The following ZNF423 variants were observed in gnomAD, a reference collection of about 807,000 sequenced individuals.
ZNF423 encodes Ebf-associated zinc finger protein.
In ZNF423, 12 loss-of-function variants were observed where a neutral mutation model predicts 95.8. That is an observed-to-expected ratio of 0.13 (90% CI 0.08 to 0.20). The LOEUF is 0.20. Ranked by LOEUF, ZNF423 falls within the 10% of genes least tolerant of loss-of-function variation. The pLI, the probability that ZNF423 is intolerant of heterozygous loss-of-function variation, is 1.00. For missense variants in ZNF423, 1,316 were observed against 1,737.1 expected, an observed-to-expected ratio of 0.76 and a Z score of 4.31; for synonymous variants, 749 against 711.9, an observed-to-expected ratio of 1.05 and a Z score of -0.83.
intron 5 of ZNF423, among the ~76,000 whole-genome samples, chr16:49,622,035 G>T (rs183501700): frequency 6.6e-6 from 1 of 152,324 alleles, no homozygotes; most frequent in Non-Finnish European, 1.5e-5. Context: ...TGGCTCCCTA[G>T]CGCTTAAGTC....
intron 2 of ZNF423, among the ~76,000 whole-genome samples, chr16:49,770,380 T>C (rs2034010901): frequency 6.6e-6 from 1 of 152,146 alleles, no homozygotes. Context: ...GCTGAGAAAC[T>C]GTCCATCCAT....
chr16:49,524,175 C>T (rs984141100), intron 6 of ZNF423, among the ~76,000 whole-genome samples: 1 of 152,150 alleles, frequency 6.6e-6, no homozygotes, highest in Non-Finnish European at 1.5e-5. Flanking sequence ...AGGACAGGTG[C>T]TATTATCCCC....
intron 3 of ZNF423, among the ~76,000 whole-genome samples, chr16:49,720,080 C>T (rs1219966485): frequency 6.6e-6 from 1 of 152,206 alleles, no homozygotes; most frequent in Non-Finnish European, 1.5e-5. Flanking sequence ...ATTACCCCAC[C>T]TTCCACCTCC....
chr16:49,488,629 G>C lies in ZNF423; in HGVS notation c.*2646C>G, dbSNP rs1470432694. On this transcript the variant is annotated 3_prime_UTR_variant, in exon 8 of 8. Coordinates refer to ENST00000563137, the MANE Select transcript of ZNF423 (RefSeq NM_001379286.1). ...TACAGGTCTCTGTGTGCAGCCCTTT[G>C]TCAGGCATCACTTCATACAAGCCTC... 1 of 152,186 alleles carries C rather than the reference G, an allele frequency of 6.6e-6. No individual in the cohort carries two copies. The highest frequency in any genetic ancestry group is 2.4e-5 in the African/African-American group (1 of 41,420). The allele number at this position is 152,186 out of a possible 1,614,324, so 9.4% of individuals were successfully genotyped here. A position where few individuals can be genotyped will look rare whatever the true frequency, so the allele number is the denominator to read the frequency against.
chr16:49,678,140 G>T (rs564793947), intron 3 of ZNF423, among the ~76,000 whole-genome samples: 1 of 151,890 alleles, frequency 6.6e-6, no homozygotes, highest in Non-Finnish European at 1.5e-5. Context: ...CCAAGATCGC[G>T]CCACTGCACT....
chr16:49,548,734 G>A lies in ZNF423; in HGVS notation c.3602-23240C>T, dbSNP rs570610104. Among the ~76,000 whole-genome samples, 26 of 152,262 alleles carry A rather than the reference G, an allele frequency of 1.7e-4. 1 individual carries two copies. The South Asian group carries it at 2.9e-3, about 17-fold the overall frequency. ...CATCGAACCAATGACCTTGCTCCTC[G>A]CTGCCAGGCAAGCCGTGCCTGAACC... On this transcript the variant is annotated intron_variant, in intron 5 of 7. Transcript: ENST00000563137.
chr16:49,700,765 T>C (rs941834589), intron 3 of ZNF423, among the ~76,000 whole-genome samples: 2 of 152,160 alleles, frequency 1.3e-5, no homozygotes, highest in Non-Finnish European at 2.9e-5. Flanking sequence ...ACCCCCCTCC[T>C]TGGGCCCCCT....
rs1402923513 is a variant in ZNF423 at position 49,505,456 on chromosome 16, T to A, written c.3850-14152A>T. Among the ~76,000 whole-genome samples the A allele has an allele frequency of 3.3e-5, 5 of 152,206 alleles. No individual in the cohort carries two copies. The East Asian group carries it at 9.6e-4, about 29-fold the overall frequency. On this transcript the variant is annotated intron_variant, in intron 7 of 7. Transcript: ENST00000563137. Reference sequence around the variant, plus strand: ...ACAGACTAAGAACTGTTCTGGCGGATATTCTGAGGGGGCCTCCTCAGAAAA... The same window carrying A: ...ACAGACTAAGAACTGTTCTGGCGGAAATTCTGAGGGGGCCTCCTCAGAAAA...
intron 3 of ZNF423, among the ~76,000 whole-genome samples, chr16:49,642,853 C>T (rs944904399): frequency 4.7e-5 from 7 of 147,580 alleles, no homozygotes; most frequent in Non-Finnish European, 8.9e-5. Flanking sequence ...AGGAGTCTCG[C>T]CCTGTGGCCC....
chr16:49,766,501 C>A (rs537365052), intron 2 of ZNF423, among the ~76,000 whole-genome samples: 1 of 152,236 alleles, frequency 6.6e-6, no homozygotes, highest in Non-Finnish European at 1.5e-5. Flanking sequence ...TCCTCACCCA[C>A]GCTTTTTCCA....
At chr16:49,586,273 T>C (rs1214387342) in intron 5 of ZNF423, among the ~76,000 whole-genome samples, 1 of 152,184 alleles carries the variant, frequency 6.6e-6, no homozygotes, top group Non-Finnish European at 1.5e-5. Context: ...ACCTTTTTTT[T>C]TTTCCTCCTG....
chr16:49,769,974 C>T (rs886778101), intron 2 of ZNF423, among the ~76,000 whole-genome samples: 1 of 152,114 alleles, frequency 6.6e-6, no homozygotes, highest in Non-Finnish European at 1.5e-5. Context: ...CTCTCCTCCT[C>T]ACCTCCCACC....
intron 3 of ZNF423, among the ~76,000 whole-genome samples, chr16:49,660,052 C>T (rs1224210932): frequency 6.6e-6 from 1 of 152,176 alleles, no homozygotes; most frequent in African/African-American, 2.4e-5. Context: ...TTCCCTTATG[C>T]TTTTTTATCT....
Position 49,546,162 on chromosome 16 carries a change from GT to G in ZNF423, c.3602-20669del, listed in dbSNP as rs1334642045. Reference sequence around the variant, plus strand: ...AAATGCAAGACATCTTTTCACTAAGGTTTTTTTTAATGATCAAGCACATTGC... The same window carrying G: ...AAATGCAAGACATCTTTTCACTAAGGTTTTTTTAATGATCAAGCACATTGC... On this transcript the variant is annotated intron_variant, in intron 5 of 7. Transcript: ENST00000563137. Among the ~76,000 whole-genome samples, 6 of 152,054 alleles carry G rather than the reference GT, an allele frequency of 3.9e-5. 1 individual carries two copies. Among genetic ancestry groups the G allele is most frequent in the Middle Eastern group, 6.8e-3 (2 of 294 alleles).
intron 1 of ZNF423, among the ~76,000 whole-genome samples, chr16:49,816,952 G>A (rs990556863): frequency 1.3e-5 from 2 of 152,188 alleles, no homozygotes; most frequent in African/African-American, 4.8e-5. Flanking sequence ...CCCAAGTACT[G>A]AGGACACAGT....
At chr16:49,673,738 C>T (rs1349275142) in intron 3 of ZNF423, among the ~76,000 whole-genome samples, 1 of 152,248 alleles carries the variant, frequency 6.6e-6, no homozygotes, top group Non-Finnish European at 1.5e-5. Flanking sequence ...GGGCTACAAA[C>T]CGCCATCTGG....
rs539946343 is a variant in ZNF423, at chr16:49,605,621, T to C, written c.3601+20549A>G. ...GACAGCAGACACTCCCTCGGGAGAATTAAAATACTATTTTTCAATAAATGA... is the reference window on the plus strand; with the variant it reads ...GACAGCAGACACTCCCTCGGGAGAACTAAAATACTATTTTTCAATAAATGA... On this transcript the variant is annotated intron_variant, in intron 5 of 7. Transcript: ENST00000563137. Among the ~76,000 whole-genome samples the C allele has an allele frequency of 2.6e-3, 392 of 152,196 alleles. 4 individuals carry two copies. Among genetic ancestry groups the C allele is most frequent in the African/African-American group, 8.3e-3 (346 of 41,538 alleles).
intron 3 of ZNF423, among the ~76,000 whole-genome samples, chr16:49,653,986 G>A (rs558895496): frequency 2.4e-4 from 36 of 152,308 alleles, no homozygotes; most frequent in African/African-American, 7.7e-4. Flanking sequence ...CAAGCTCTTC[G>A]TAAGCTCCAT....
intron 1 of ZNF423, chr16:49,854,785 G>T: frequency 2.0e-6 from 2 of 985,402 alleles, no homozygotes; most frequent in Non-Finnish European, 2.4e-6. Context: ...CGAGCTGGGG[G>T]CCCTCGCTGG....
Sources: gnomAD v4.1 joint callset for allele counts (sites outside exome capture counted in the v4.1 genomes callset) on GRCh38, gnomAD v4.1.1 for gene constraint, MANE v1.5 for transcripts, NCBI Gene and HGNC (gene_info 2026-07-23, HGNC 2026-07-21) for gene names.